The following GAK variants were observed in gnomAD, a reference collection of about 807,000 sequenced individuals.
GAK encodes the protein cyclin-G-associated kinase.
Under a neutral mutation model 143.9 loss-of-function variants are expected in GAK, and 79 were observed. That is an observed-to-expected ratio of 0.55 (90% confidence interval 0.46 to 0.66). The LOEUF (loss-of-function observed/expected upper bound fraction) is 0.66. Ranked by LOEUF, GAK falls within the 30% of genes least tolerant of loss-of-function variation. GAK has a pLI of 0.00. For missense variants in GAK, 1,693 were observed against 1,779.7 expected, an observed-to-expected ratio of 0.95 and a Z score of 0.88; for synonymous variants, 881 against 765.5, an observed-to-expected ratio of 1.15 and a Z score of -2.49.
In GAK at chr4:877,878, T is replaced by G; in HGVS notation, c.1662-69A>C. 6 of 1,403,216 alleles carry G rather than the reference T, an allele frequency of 4.3e-6. No individual in the cohort carries two copies. In the South Asian group the frequency reaches 8.8e-5, roughly 21 times the overall value. The allele number at this position is 1,403,216 out of a possible 1,614,324, so 86.9% of individuals were successfully genotyped here. ...GGGGACCACACAGCTGATTTTGTCT[T>G]TCGAATAGAAGTTTTTCATGCTAGA... On this transcript the variant is annotated intron_variant, in intron 15 of 27. Coordinates refer to ENST00000314167, the MANE Select transcript of GAK (RefSeq NM_005255.4).
At chr4:911,604 G>A (rs1722058451) in intron 4 of GAK, 69 bp downstream of exon 4, 3 of 1,027,332 alleles carry the variant, frequency 2.9e-6, no homozygotes, top group Admixed American at 1.8e-5. Flanking sequence ...CCATGCAGCT[G>A]GGTTAGGAGG....
At chr4:895,212 A>G (rs1718541537) in intron 7 of GAK, among the ~76,000 whole-genome samples, 1 of 152,214 alleles carries the variant, frequency 6.6e-6, no homozygotes, top group South Asian at 2.1e-4. Flanking sequence ...TGCAGGAAGC[A>G]GCCTCCTCAG....
At chr4:854,070 T>C (rs2152688757) in intron 24 of GAK, among the ~76,000 whole-genome samples, 1 of 152,064 alleles carries the variant, frequency 6.6e-6, no homozygotes, top group South Asian at 2.1e-4. Context: ...AGTGCTGGGA[T>C]TACAGGCATG....
intron 23 of GAK, 67 bp downstream of exon 23, chr4:865,055 T>G (rs1049930858): frequency 7.0e-6 from 11 of 1,571,202 alleles, no homozygotes; most frequent in Non-Finnish European, 8.6e-6. Context: ...CAGGTACGTG[T>G]GAAATAGAGA....
intron 1 of GAK, among the ~76,000 whole-genome samples, chr4:921,063 G>A (rs6856659): frequency 0.56 from 85,713 of 152,042 alleles, 24,631 homozygotes; most frequent in South Asian, 0.67. Flanking sequence ...AAAGAAAATC[G>A]CAGAAACAGC....
chr4:866,864 G>A (rs1379687303), intron 21 of GAK, 92 bp downstream of exon 21: 4 of 1,003,950 alleles, frequency 4.0e-6, no homozygotes, highest in South Asian at 1.7e-5. Context: ...CTTCCTGCAA[G>A]CACCTTCGAA....
chr4:914,652 C>CCA (rs1273163685), intron 1 of GAK, among the ~76,000 whole-genome samples: 3 of 117,936 alleles, frequency 2.5e-5, no homozygotes, highest in Non-Finnish European at 5.3e-5. Context: ...GTGCACGGCC[C>CCA]CACACACACA....
intron 6 of GAK, 34 bp downstream of exon 6, chr4:897,999 C>A: frequency 6.3e-7 from 1 of 1,591,312 alleles, no homozygotes. Context: ...TGGGAAGGGC[C>A]AGCTTCCCCC....
At chr4:876,390 C>T in intron 18 of GAK, 140 bp downstream of exon 18, 2 of 711,596 alleles carry the variant, frequency 2.8e-6, no homozygotes, top group Non-Finnish European at 4.9e-6. Context: ...CCAGGATGGC[C>T]CAGGAACAGG....
At position 913,589 on chromosome 4, in the gene GAK, C is replaced by T. The variant is rs556270068; in HGVS notation, c.207+18G>A. On this transcript the variant is annotated intron_variant, in intron 2 of 27. Transcript: ENST00000314167. Reference sequence around the variant, plus strand: ...ACATACGTCAGAAATCCAGAGAAGGCGTTAAATGGTTCATTACCTTTAATG... The same window carrying T: ...ACATACGTCAGAAATCCAGAGAAGGTGTTAAATGGTTCATTACCTTTAATG... 9.8e-5 allele frequency: 156 copies of T among 1,598,242 alleles called. 1 individual carries two copies. The highest frequency in any genetic ancestry group is 8.3e-4 in the South Asian group (75 of 90,774).
intron 22 of GAK, among the ~76,000 whole-genome samples, chr4:866,133 G>A (rs544942850): frequency 6.6e-6 from 1 of 152,372 alleles, no homozygotes; most frequent in East Asian, 1.9e-4. Flanking sequence ...GCACTGCAGG[G>A]CCCCACAACC....
At chr4:883,900 C>T (rs751013443) in intron 12 of GAK, 137 bp downstream of exon 12, 26 of 855,214 alleles carry the variant, frequency 3.0e-5, no homozygotes, top group Non-Finnish European at 4.3e-5. Context: ...GCCAAGGGGC[C>T]CCAGGTCACC....
chr4:916,020 A>G (rs985263819), intron 1 of GAK, among the ~76,000 whole-genome samples: 2 of 152,258 alleles, frequency 1.3e-5, no homozygotes, highest in Non-Finnish European at 2.9e-5. Context: ...GTTGTTGGAT[A>G]TAAGGGCAAC....
intron 15 of GAK, among the ~76,000 whole-genome samples, chr4:881,388 C>T (rs550410543): frequency 5.3e-5 from 8 of 152,288 alleles, no homozygotes; most frequent in South Asian, 2.1e-4. Context: ...CCTGCAGCCC[C>T]GAGAAACAGG....
chr4:865,714 T>C (rs1751052110), intron 22 of GAK, among the ~76,000 whole-genome samples: 1 of 152,256 alleles, frequency 6.6e-6, no homozygotes, highest in African/African-American at 2.4e-5. Flanking sequence ...AAGGCTGCAC[T>C]CCACACACCC....
rs144983014 is a variant in GAK, at chr4:898,038, C to T, written c.646G>A (p.Glu216Lys). Residue 216 changes from glutamate to lysine, a missense_variant, in exon 6 of 28, where the codon GAA (glutamate) becomes AAA (lysine). Physicochemically the swap from Glu to Lys is moderately conservative, Grantham distance 56. Around this residue, in one of 2 missense-constraint regions of GAK, gnomAD observed 871 missense variants for 991.0 expected, o/e 0.88. Coordinates refer to ENST00000314167, the MANE Select transcript of GAK (RefSeq NM_005255.4). ...ATAGGCCCCACTCAGCTCACCTCTT[C>T]CTCCACCAGGGCTCGCCTCTGGGCG... ...WSAQRRALVE[E>K]EITRNTTPMY... 3 of 1,612,598 alleles carry T rather than the reference C, an allele frequency of 1.9e-6. No homozygotes were observed. The African/African-American group carries it at 4.0e-5, about 22-fold the overall frequency.
At chr4:919,421 A>G (rs1723581671) in intron 1 of GAK, among the ~76,000 whole-genome samples, 1 of 152,284 alleles carries the variant, frequency 6.6e-6, no homozygotes, top group Non-Finnish European at 1.5e-5. Context: ...GCATGACCTT[A>G]GCAGGGCCAC....
intron 26 of GAK, 168 bp from the exon 27 acceptor site, chr4:850,236 C>G (rs1442288608): frequency 1.7e-6 from 1 of 601,856 alleles, no homozygotes; most frequent in Non-Finnish European, 2.8e-6. Context: ...CTATATAGAG[C>G]CCACTCCGGA....
chr4:917,897 T>C (rs1723323242), intron 1 of GAK, among the ~76,000 whole-genome samples: 1 of 152,214 alleles, frequency 6.6e-6, no homozygotes, highest in Non-Finnish European at 1.5e-5. Context: ...AGAAAACAGA[T>C]GGCTCCACTG....
Sources: gnomAD v4.1 joint callset for allele counts (sites outside exome capture counted in the v4.1 genomes callset) on GRCh38, gnomAD v4.1.1 for gene constraint, gnomAD v4.1.1 regional missense constraint, MANE v1.5 for transcripts, NCBI Gene and HGNC (gene_info 2026-07-23, HGNC 2026-07-21) for gene names.